UGT2A3: variants seen among roughly 807,000 people sequenced by gnomAD.
UGT2A3 encodes the protein UDP glucuronosyltransferase family 2 member A3.
In UGT2A3, 55 loss-of-function variants were observed where a neutral mutation model predicts 44.1. That is an observed-to-expected ratio of 1.25 (90% confidence interval 1.00 to 1.56). The LOEUF (loss-of-function observed/expected upper bound fraction) is 1.56. UGT2A3 is among the 40% of genes most tolerant of loss of function. The pLI is 0.00. For synonymous variants in UGT2A3, 243 were observed against 215.1 expected, an observed-to-expected ratio of 1.13 and a Z score of -1.13; for missense variants, 733 against 621.6, an observed-to-expected ratio of 1.18 and a Z score of -1.91.
intron 2 of UGT2A3, among the ~76,000 whole-genome samples, chr4:68,936,824 A>G (rs1196797996): frequency 1.3e-5 from 2 of 150,626 alleles, no homozygotes; most frequent in African/African-American, 4.9e-5. Context: ...CCCATCTCAC[A>G]TACAGAGACA....
rs907973280 is a variant in UGT2A3 at position 68,951,242 on chromosome 4, A to C, written c.519T>G (p.Ser173=). ...AGCTTCGCTCCATATTGCCTCCTACAGAAATTCTAAGTGTGAGCACAAAAG... is the reference window on the plus strand; with the variant it reads ...AGCTTCGCTCCATATTGCCTCCTACCGAAATTCTAAGTGTGAGCACAAAAG... ...AVPFVLTLRI[S]VGGNMERSCG... Residue 173 remains serine (S), a synonymous_variant, in exon 1 of 6, where the codon TCT becomes TCG. Transcript: ENST00000251566. 1.9e-6 allele frequency: 3 copies of C among 1,611,550 alleles called. No individual in the cohort carries two copies. In the Admixed American group the frequency reaches 5.0e-5, roughly 27 times the overall value.
intron 2 of UGT2A3, among the ~76,000 whole-genome samples, chr4:68,935,697 G>A (rs1717925735): frequency 1.3e-5 from 2 of 151,980 alleles, no homozygotes; most frequent in Admixed American, 6.6e-5. Context: ...GATCAAAGCT[G>A]GATGGAGAAT....
At position 68,951,452 on chromosome 4, in the gene UGT2A3, G is replaced by T. The variant is rs774604538; in HGVS notation, c.309C>A (p.Thr103=). 12 of 1,611,980 alleles carry T rather than the reference G, an allele frequency of 7.4e-6. No individual in the cohort carries two copies. Among genetic ancestry groups the T allele is most frequent in the East Asian group, 6.7e-5 (3 of 44,704 alleles). Residue 103 remains threonine, a synonymous_variant, in exon 1 of 6, where the codon ACC becomes ACA. Transcript: ENST00000251566. ...CATTTAATTTTATAACTGATTGCCAGGTTGATAAGCCTGGCAAGACATTCA... is the reference window on the plus strand; with the variant it reads ...CATTTAATTTTATAACTGATTGCCATGTTGATAAGCCTGGCAAGACATTCA... ...LALNVLPGLS[T]WQSVIKLNDF... is the part of the protein sequence containing the mutation.
chr4:68,935,272 G>GTGTATT (rs1388458483), intron 2 of UGT2A3, among the ~76,000 whole-genome samples: 1 of 89,214 alleles, frequency 1.1e-5, no homozygotes, highest in Non-Finnish European at 2.6e-5. Context: ...ATGTATGTAT[G>GTGTATT]TATGTATATA....
rs145503213 is a variant in UGT2A3 at position 68,942,313 on chromosome 4, G to T, written c.864+2993C>A. ...CCATTGGATATATATACACACATTT[G>T]AAAATATCTCTCTCTCTCTCTCTCT... On this transcript the variant is annotated intron_variant, in intron 2 of 5. Coordinates refer to ENST00000251566, the MANE Select transcript of UGT2A3 (RefSeq NM_024743.4). Among the ~76,000 whole-genome samples the T allele has an allele frequency of 5.6e-4, 79 of 140,376 alleles. 1 individual carries two copies. Among genetic ancestry groups the T allele is most frequent in the Non-Finnish European group, 9.8e-4 (65 of 65,992 alleles). The allele number at this position is 140,376 out of a possible 152,430, so 92.1% of individuals were successfully genotyped here.
rs200453319 is a variant in UGT2A3 at position 68,945,408 on chromosome 4, C to T, written c.762G>A (p.Trp254Ter). 5 of 1,611,062 alleles carry T rather than the reference C, an allele frequency of 3.1e-6. No individual in the cohort carries two copies. Among genetic ancestry groups the T allele is most frequent in the Non-Finnish European group, 4.2e-6 (5 of 1,178,344 alleles). ...LCETVGKAEI[W>*]LIRTYWDFEF... ...CAAAATCCCAATATGTTCGTATTAG[C>T]CATATCTCAGCTTTTCCCACAGTCT... Residue 254 changes from tryptophan (W) to a stop codon, truncating the protein, a stop_gained, in exon 2 of 6, where the codon TGG (tryptophan) becomes TGA (stop). Coordinates refer to ENST00000251566, the MANE Select transcript of UGT2A3 (RefSeq NM_024743.4). LOFTEE classifies it high-confidence loss of function.
At chr4:68,950,435 A>G (rs769625976) in intron 1 of UGT2A3, among the ~76,000 whole-genome samples, 1 of 151,890 alleles carries the variant, frequency 6.6e-6, no homozygotes, top group South Asian at 2.1e-4. Context: ...TCTGATCACA[A>G]CTATATGAAA....
intron 2 of UGT2A3, among the ~76,000 whole-genome samples, chr4:68,936,759 A>G (rs1717966136): frequency 6.6e-6 from 1 of 152,060 alleles, no homozygotes; most frequent in Admixed American, 6.6e-5. Flanking sequence ...TAAGAGACAC[A>G]GACTGGCAAA....
chr4:68,947,992 A>C (rs1024448060), intron 1 of UGT2A3, among the ~76,000 whole-genome samples: 1 of 151,820 alleles, frequency 6.6e-6, no homozygotes, highest in African/African-American at 2.4e-5. Context: ...ACAAAAAGTA[A>C]ATGGGCATTG....
chr4:68,950,498 C>T (rs1225069660), intron 1 of UGT2A3, among the ~76,000 whole-genome samples: 1 of 151,754 alleles, frequency 6.6e-6, no homozygotes, highest in Non-Finnish European at 1.5e-5. Flanking sequence ...AAAAATAAGT[C>T]AAGTAGGTGT....
At chr4:68,940,231 A>T (rs973745287) in intron 2 of UGT2A3, among the ~76,000 whole-genome samples, 6 of 152,180 alleles carry the variant, frequency 3.9e-5, no homozygotes, top group African/African-American at 1.4e-4. Flanking sequence ...TCATGTTGCT[A>T]TAAAGACACA....
intron 1 of UGT2A3, among the ~76,000 whole-genome samples, chr4:68,947,200 G>A (rs1718412868): frequency 6.6e-6 from 1 of 151,662 alleles, no homozygotes. Flanking sequence ...CTCAAACCTT[G>A]ATGCTGCCTT....
Position 68,951,046 on chromosome 4 carries a change from C to T in UGT2A3, c.715G>A (p.Gly239Arg). The change falls in exon 1 of 6, where the codon GGA (glycine) becomes AGA (arginine). Residue 239 changes from glycine (G) to arginine (R), a missense_variant and splice_region_variant. By Grantham distance (125) the Gly-to-Arg change is moderately radical. Transcript: ENST00000251566. ...TAAAAATAAAACAAAAGTGTCTTAC[C>T]TAATGCCTTACTATAAAACTCTTCC... ...FWEEFYSKAL[G>R]RPTTLCETVG... The T allele has an allele frequency of 6.5e-7, 1 of 1,548,602 alleles. No homozygotes were observed. The highest frequency in any genetic ancestry group is 1.7e-4 in the Middle Eastern group (1 of 5,726).
rs772753904 is a variant in UGT2A3, at chr4:68,948,430, C to CTTTTTCTTCTT, written c.715+2615_715+2616insAAGAAGAAAAA. ...TGGTTGGTTTAATTTTTTTTCTTTT[C>CTTTTTCTTCTT]TTTTTTTTCTTTTTTTTTTTTTTTT... On this transcript the variant is annotated intron_variant, in intron 1 of 5. Transcript: ENST00000251566. 1.4e-4 allele frequency among the ~76,000 whole-genome samples: 10 copies of CTTTTTCTTCTT among 69,700 alleles called. 2 individuals carry two copies. Among genetic ancestry groups the CTTTTTCTTCTT allele is most frequent in the Admixed American group, 1.5e-4 (1 of 6,462 alleles). 45.7% of individuals were successfully genotyped at this position (69,700 alleles called of 152,430 possible).
At chr4:68,947,673 T>C (rs985675638) in intron 1 of UGT2A3, among the ~76,000 whole-genome samples, 1 of 151,864 alleles carries the variant, frequency 6.6e-6, no homozygotes, top group Non-Finnish European at 1.5e-5. Context: ...ATATATTTCT[T>C]ACATAAGACT....
At chr4:68,933,710 G>T (rs1193917472) in intron 2 of UGT2A3, among the ~76,000 whole-genome samples, 1 of 151,996 alleles carries the variant, frequency 6.6e-6, no homozygotes, top group African/African-American at 2.4e-5. Flanking sequence ...CAACTATCAG[G>T]TTAGTAACTA....
intron 2 of UGT2A3, among the ~76,000 whole-genome samples, chr4:68,939,076 A>G (rs1718080654): frequency 6.6e-6 from 1 of 152,206 alleles, no homozygotes; most frequent in African/African-American, 2.4e-5. Flanking sequence ...AGAACATTCC[A>G]TGCTCATGGA....
At chr4:68,943,387 T>A (rs778869708) in intron 2 of UGT2A3, 15 of 1,113,360 alleles carry the variant, frequency 1.3e-5, no homozygotes, top group Non-Finnish European at 2.3e-6. Flanking sequence ...TCCTGGTAAG[T>A]AAAGTGATAT....
At chr4:68,946,579 G>A (rs1361059446) in intron 1 of UGT2A3, among the ~76,000 whole-genome samples, 1 of 151,594 alleles carries the variant, frequency 6.6e-6, no homozygotes, top group Non-Finnish European at 1.5e-5. Context: ...TAATTACTAT[G>A]ATATTAGGAC....
Sources: gnomAD v4.1 joint callset for allele counts (sites outside exome capture counted in the v4.1 genomes callset) on GRCh38, gnomAD v4.1.1 for gene constraint, MANE v1.5 for transcripts, NCBI Gene and HGNC (gene_info 2026-07-23, HGNC 2026-07-21) for gene names.